The following CTNNA3 variants were observed in gnomAD, a reference collection of about 807,000 sequenced individuals.
CTNNA3 encodes the protein catenin alpha 3.
In CTNNA3, 76 loss-of-function variants were observed where a neutral mutation model predicts 95.7. The observed-to-expected ratio is 0.79, with a 90% CI of 0.66 to 0.96. The LOEUF (loss-of-function observed/expected upper bound fraction) is 0.96. CTNNA3 is among the 40% of genes least tolerant of loss of function. The probability of loss-of-function intolerance (pLI) is 0.00; values close to 1 mark genes in which losing one functional copy is unlikely to be tolerated. For missense variants in CTNNA3, 1,191 were observed against 1,089.8 expected, an observed-to-expected ratio of 1.09 and a Z score of -1.31; for synonymous variants, 431 against 374.4, an observed-to-expected ratio of 1.15 and a Z score of -1.74.
chr10:66,638,306 C>G (rs578127441), intron 9 of CTNNA3, among the ~76,000 whole-genome samples: 6 of 152,208 alleles, frequency 3.9e-5, no homozygotes, highest in Non-Finnish European at 8.8e-5. Context: ...GCTGGCAACT[C>G]AAGTGCAATT....
intron 9 of CTNNA3, among the ~76,000 whole-genome samples, chr10:66,722,665 T>C (rs113562321): frequency 7.1e-4 from 108 of 151,808 alleles, no homozygotes; most frequent in African/African-American, 2.5e-3. Context: ...CCAACCAAAT[T>C]TGTGGTTCTA....
intron 9 of CTNNA3, among the ~76,000 whole-genome samples, chr10:66,735,016 A>G (rs1350600154): frequency 1.3e-5 from 2 of 151,702 alleles, no homozygotes; most frequent in Non-Finnish European, 2.9e-5. Flanking sequence ...TTTTTTGATT[A>G]AATATCTTTT....
chr10:67,518,002 G>A (rs1011452070), intron 5 of CTNNA3, among the ~76,000 whole-genome samples: 7 of 152,054 alleles, frequency 4.6e-5, no homozygotes, highest in African/African-American at 1.7e-4. Context: ...CATGTCAGGT[G>A]CAATGTTAAG....
intron 1 of CTNNA3, among the ~76,000 whole-genome samples, chr10:67,741,373 T>C (rs1841337930): frequency 7.1e-6 from 1 of 140,820 alleles, no homozygotes; most frequent in Non-Finnish European, 1.6e-5. Flanking sequence ...AAGAAAAGAA[T>C]TTTCAACCCA....
In CTNNA3 at chr10:66,577,256, T is replaced by C. The variant is rs1280413300; in HGVS notation, c.1374+44436A>G. On this transcript the variant is annotated intron_variant, in intron 10 of 17. Coordinates refer to ENST00000433211, the MANE Select transcript of CTNNA3 (RefSeq NM_013266.4). ...TTGTCAGATGCACAGTTTGCTAATA[T>C]TTTCTCCCATTCAGAAGGTTGTCTG... Among the ~76,000 whole-genome samples, 3 of 152,012 alleles carry C rather than the reference T, an allele frequency of 2.0e-5. No individual in the cohort carries two copies. The East Asian group carries it at 5.8e-4, about 29-fold the overall frequency.
intron 9 of CTNNA3, among the ~76,000 whole-genome samples, chr10:66,724,961 C>T (rs1848736225): frequency 6.6e-6 from 1 of 152,038 alleles, no homozygotes; most frequent in African/African-American, 2.4e-5. Context: ...CCATGGACAC[C>T]AAAATTCATG....
chr10:65,934,752 T>C (rs2077309059), intron 17 of CTNNA3, among the ~76,000 whole-genome samples: 2 of 152,070 alleles, frequency 1.3e-5, no homozygotes, highest in South Asian at 4.1e-4. Context: ...ACTGAGAGAA[T>C]GGCTGCATGG....
rs530248529 is a variant in CTNNA3, at chr10:67,461,538, T to C, written c.579+60304A>G. On this transcript the variant is annotated intron_variant, in intron 5 of 17. Coordinates refer to ENST00000433211, the MANE Select transcript of CTNNA3 (RefSeq NM_013266.4). ...TTATATGACCACACTTAGGACAATC[T>C]CACTATTTGCAATTTTCTGAATCAC... Among the ~76,000 whole-genome samples the C allele has an allele frequency of 6.6e-5, 10 of 152,224 alleles. 1 individual carries two copies. The South Asian group carries it at 1.9e-3, about 28-fold the overall frequency.
intron 10 of CTNNA3, among the ~76,000 whole-genome samples, chr10:66,542,233 G>A (rs1329055181): frequency 6.6e-6 from 1 of 152,040 alleles, no homozygotes; most frequent in Admixed American, 6.6e-5. Context: ...AAAAAATCAG[G>A]AAACAACAGG....
intron 13 of CTNNA3, among the ~76,000 whole-genome samples, chr10:66,159,588 G>A (rs2084734263): frequency 7.2e-6 from 1 of 138,488 alleles, no homozygotes; most frequent in Admixed American, 7.2e-5. Context: ...TAGCATCTAT[G>A]TTCATCAAAG....
chr10:67,202,753 A>G (rs1429329670), intron 6 of CTNNA3, among the ~76,000 whole-genome samples: 1 of 151,874 alleles, frequency 6.6e-6, no homozygotes, highest in African/African-American at 2.4e-5. Context: ...CAGGTGGTAG[A>G]AAAAAAAGAA....
intron 1 of CTNNA3, among the ~76,000 whole-genome samples, chr10:67,709,454 C>T (rs888232861): frequency 2.6e-5 from 4 of 152,126 alleles, no homozygotes; most frequent in African/African-American, 9.7e-5. Flanking sequence ...ACTGTAAACC[C>T]TCTAAGTTTC....
At chr10:66,040,448 T>C (rs1480262663) in intron 15 of CTNNA3, among the ~76,000 whole-genome samples, 1 of 151,848 alleles carries the variant, frequency 6.6e-6, no homozygotes, top group East Asian at 1.9e-4. Context: ...GCAACACTAT[T>C]CACAATAGCA....
At chr10:66,461,259 A>G (rs2093527352) in intron 11 of CTNNA3, among the ~76,000 whole-genome samples, 1 of 152,136 alleles carries the variant, frequency 6.6e-6, no homozygotes, top group Non-Finnish European at 1.5e-5. Flanking sequence ...TAGATGAGTT[A>G]TGGATAGTCA....
chr10:67,520,002 A>G (rs1325934517), intron 5 of CTNNA3, among the ~76,000 whole-genome samples: 1 of 152,134 alleles, frequency 6.6e-6, no homozygotes, highest in Admixed American at 6.5e-5. Context: ...GTCAGACTTG[A>G]TTTAGATTTG....
intron 17 of CTNNA3, among the ~76,000 whole-genome samples, chr10:65,945,441 A>T (rs1413744832): frequency 6.6e-6 from 1 of 152,138 alleles, no homozygotes. Context: ...ATGGTTCTGA[A>T]CTCTAAAAAT....
chr10:67,602,599 T>C (rs74142848), intron 3 of CTNNA3, among the ~76,000 whole-genome samples: 169 of 152,326 alleles, frequency 1.1e-3, no homozygotes, highest in African/African-American at 3.8e-3. Context: ...TACAGCATAA[T>C]CCTAGAATCA....
chr10:66,167,421 A>G (rs1174763395), intron 13 of CTNNA3, among the ~76,000 whole-genome samples: 1 of 152,196 alleles, frequency 6.6e-6, no homozygotes, highest in African/African-American at 2.4e-5. Context: ...TCTGCCCTAG[A>G]GATCACTGGG....
At chr10:66,748,918 A>G (rs981995191) in intron 9 of CTNNA3, among the ~76,000 whole-genome samples, 3 of 151,946 alleles carry the variant, frequency 2.0e-5, no homozygotes, top group Admixed American at 6.6e-5. Flanking sequence ...CACACCTGTA[A>G]TCCCAGCACT....
Sources: allele counts gnomAD v4.1 joint callset (sites outside exome capture counted in the v4.1 genomes callset), GRCh38; gene constraint gnomAD v4.1.1; transcripts MANE v1.5; gene names NCBI Gene and HGNC (gene_info 2026-07-23, HGNC 2026-07-21).